Variants in ZNF184 observed in about 807,000 individuals in gnomAD.
ZNF184 encodes zinc finger protein 184.
In ZNF184, 16 loss-of-function variants were observed where a neutral mutation model predicts 54.4. The observed-to-expected ratio is 0.29, with a 90% CI of 0.20 to 0.45. The LOEUF (loss-of-function observed/expected upper bound fraction) is 0.45. Ranked by LOEUF, ZNF184 falls within the 20% of genes least tolerant of loss-of-function variation. The pLI, the probability that ZNF184 is intolerant of heterozygous loss-of-function variation, is 1.00. For synonymous variants in ZNF184, 254 were observed against 295.3 expected, an observed-to-expected ratio of 0.86 and a Z score of 1.43; for missense variants, 681 against 888.2, an observed-to-expected ratio of 0.77 and a Z score of 2.97.
At chr6:27,459,907 A>C (rs936979299) in intron 3 of ZNF184, among the ~76,000 whole-genome samples, 1 of 152,234 alleles carries the variant, frequency 6.6e-6, no homozygotes, top group Non-Finnish European at 1.5e-5. Context: ...TCACACCTGC[A>C]ATCTCAACAC....
At chr6:27,411,013 C>A in the ZNF184 span, among the ~76,000 whole-genome samples, 1 of 152,228 alleles carries the variant, frequency 6.6e-6, no homozygotes, top group Admixed American at 6.5e-5. Context: ...TGTCTTTGTG[C>A]TACTACAACA....
chr6:27,442,664 C>A, the ZNF184 span, among the ~76,000 whole-genome samples: 2 of 121,856 alleles, frequency 1.6e-5, no homozygotes, highest in Admixed American at 9.9e-5. Context: ...AGAAAGCAAG[C>A]AAGAAAGAGA....
chr6:27,407,985 T>A, the ZNF184 span: 2 of 1,489,642 alleles, frequency 1.3e-6, no homozygotes, highest in South Asian at 2.3e-5. Flanking sequence ...ATTTGCAAAA[T>A]CACTGCAGTA....
chr6:27,468,047 GC>G, intron 2 of ZNF184, 127 bp from the exon 3 acceptor site: 1 of 808,302 alleles, frequency 1.2e-6, no homozygotes. Context: ...ATTTTAGAAT[GC>G]AAAAAAAGTT....
At chr6:27,420,999 T>A in the ZNF184 span, among the ~76,000 whole-genome samples, 2 of 152,216 alleles carry the variant, frequency 1.3e-5, no homozygotes, top group Non-Finnish European at 2.9e-5. Context: ...CTGAAAAGAC[T>A]GCATACTGTA....
the ZNF184 span, among the ~76,000 whole-genome samples, chr6:27,424,232 T>A: frequency 6.6e-6 from 1 of 152,200 alleles, no homozygotes; most frequent in Non-Finnish European, 1.5e-5. Context: ...GGTCTCTGGT[T>A]TCAGGAATAA....
At position 27,451,232 on chromosome 6, in the gene ZNF184, T is replaced by A; in HGVS notation, c.*71A>T. 1 of 1,483,458 alleles carries A rather than the reference T, an allele frequency of 6.7e-7. No homozygotes were observed. The allele number at this position is 1,483,458 out of a possible 1,614,324, so 91.9% of individuals were successfully genotyped here. On this transcript the variant is annotated 3_prime_UTR_variant, in exon 6 of 6. Coordinates refer to ENST00000683788, the MANE Select transcript of ZNF184 (RefSeq NM_001318891.2). Reference sequence around the variant, plus strand: ...AAGGCAGTTTCTAAATCCACTCTGATTCTTCAGTACTTAACAAAAGGACAA... The same window carrying A: ...AAGGCAGTTTCTAAATCCACTCTGAATCTTCAGTACTTAACAAAAGGACAA...
In ZNF184 at chr6:27,452,562, G is replaced by C; in HGVS notation, c.997C>G (p.Pro333Ala). 4 of 1,614,032 alleles carry C rather than the reference G, an allele frequency of 2.5e-6. No individual in the cohort carries two copies. Among genetic ancestry groups the C allele is most frequent in the Non-Finnish European group, 3.4e-6 (4 of 1,180,008 alleles). Residue 333 changes from proline (P) to alanine (A), a missense_variant, in exon 6 of 6, where the codon CCA (proline) becomes GCA (alanine). Transcript: ENST00000683788. The surrounding 1 kb of genome is among the most constrained non-coding windows in gnomAD (Gnocchi z 5.5). ...TTTCCACACTCATTACAAGTGTATGGCTTCTCGCCAGTATGAATTCTCTGA... is the reference window on the plus strand; with the variant it reads ...TTTCCACACTCATTACAAGTGTATGCCTTCTCGCCAGTATGAATTCTCTGA... ...QHQRIHTGEK[P>A]YTCNECGKAF...
the ZNF184 span, among the ~76,000 whole-genome samples, chr6:27,425,445 T>C: frequency 6.6e-6 from 1 of 152,242 alleles, no homozygotes; most frequent in African/African-American, 2.4e-5. Context: ...CCTTACATGC[T>C]AACAAGTCAA....
At chr6:27,440,679 T>C in the ZNF184 span, among the ~76,000 whole-genome samples, 2 of 152,058 alleles carry the variant, frequency 1.3e-5, no homozygotes, top group Non-Finnish European at 2.9e-5. Context: ...ACAAGGGAAG[T>C]TCAGTGAGGA....
At chr6:27,463,396 A>G (rs1763048979) in intron 3 of ZNF184, among the ~76,000 whole-genome samples, 1 of 152,052 alleles carries the variant, frequency 6.6e-6, no homozygotes, top group Non-Finnish European at 1.5e-5. Context: ...AAGAAGAGAG[A>G]TTAGTAACTT....
rs768878125 is a variant in ZNF184, at chr6:27,452,035, T to A, written c.1524A>T (p.Gly508=). The A allele has an allele frequency of 1.2e-6, 2 of 1,613,910 alleles. No homozygotes were observed. The highest frequency in any genetic ancestry group is 1.7e-6 in the Non-Finnish European group (2 of 1,180,026). The change falls in exon 6 of 6, where the codon GGA becomes GGT. Residue 508 remains glycine, a synonymous_variant. Transcript: ENST00000683788. This position sits in a 1 kb window ranked among gnomAD's most constrained non-coding sequence, Gnocchi z 5.5. ...GGTTTGAGAGATAACTGAAAGCCTTTCCACATTCACTGCATTCAAAGGGCT... is the reference window on the plus strand; with the variant it reads ...GGTTTGAGAGATAACTGAAAGCCTTACCACATTCACTGCATTCAAAGGGCT... ...REKPFECSEC[G]KAFSYLSNLN... is the part of the protein sequence containing the mutation.
Position 27,453,146 on chromosome 6 carries a change from G to C in ZNF184, c.413C>G (p.Ser138Cys). The stretch of plus-strand genomic sequence containing the variant: ...ATATTCCCAACTTTCTAGCAAGTTG[G>C]AACTCCAAGAATCATCTCTTTTGTG... ...EKHKRDDSWS[S>C]NLLESWEYEG... The change falls in exon 6 of 6, where the codon TCC (serine) becomes TGC (cysteine). Residue 138 changes from serine (S) to cysteine (C), a missense_variant. Ser to Cys is a moderately radical substitution (Grantham distance 112). Transcript: ENST00000683788. This position sits in a 1 kb window ranked among gnomAD's most constrained non-coding sequence, Gnocchi z 4.7. 1 of 1,614,024 alleles carries C rather than the reference G, an allele frequency of 6.2e-7. No individual in the cohort carries two copies. Among genetic ancestry groups the C allele is most frequent in the Non-Finnish European group, 8.5e-7 (1 of 1,180,000 alleles).
the ZNF184 span, among the ~76,000 whole-genome samples, chr6:27,440,768 C>A: frequency 1.3e-5 from 2 of 152,016 alleles, no homozygotes; most frequent in African/African-American, 4.8e-5. Flanking sequence ...CTTTGCGAGG[C>A]CGAGGCGGGC....
chr6:27,444,519 C>T, the ZNF184 span, among the ~76,000 whole-genome samples: 2 of 152,118 alleles, frequency 1.3e-5, no homozygotes, highest in African/African-American at 4.8e-5. Flanking sequence ...CTAGCAACTA[C>T]CCCAATTTTC....
downstream of ZNF184, among the ~76,000 whole-genome samples, chr6:27,446,196 A>T (rs954409306): frequency 5.9e-5 from 9 of 152,218 alleles, no homozygotes; most frequent in African/African-American, 1.9e-4. Flanking sequence ...CAGACCATAA[A>T]GCATTTCAAA....
chr6:27,444,161 A>T, the ZNF184 span, among the ~76,000 whole-genome samples: 2 of 152,106 alleles, frequency 1.3e-5, no homozygotes, highest in African/African-American at 2.4e-5. Context: ...ACATCCCTTT[A>T]TACCTACTTC....
At chr6:27,433,197 T>C in the ZNF184 span, among the ~76,000 whole-genome samples, 1 of 152,172 alleles carries the variant, frequency 6.6e-6, no homozygotes, top group Non-Finnish European at 1.5e-5. Context: ...GCCACTATGT[T>C]TTGGGATAAT....
At chr6:27,436,928 C>A in the ZNF184 span, among the ~76,000 whole-genome samples, 204 of 152,274 alleles carry the variant, frequency 1.3e-3, 8 homozygotes, top group South Asian at 0.02. Context: ...AAATAAAATT[C>A]TCCCTAAGGA....
Sources: allele counts gnomAD v4.1 joint callset (sites outside exome capture counted in the v4.1 genomes callset), GRCh38; gene constraint gnomAD v4.1.1; non-coding constraint Gnocchi (gnomAD v3.1); transcripts MANE v1.5; gene names NCBI Gene and HGNC (gene_info 2026-07-23, HGNC 2026-07-21).